SPSB1: variants seen among roughly 807,000 people sequenced by gnomAD.
The protein encoded by SPSB1 is SPRY domain-containing SOCS box protein 1.
In SPSB1, 8 loss-of-function variants were observed where a neutral mutation model predicts 21.2. The observed-to-expected ratio is 0.38, with a 90% CI of 0.22 to 0.68. The LOEUF (loss-of-function observed/expected upper bound fraction) is 0.68, where lower values mean the gene tolerates loss of function less well. Among genes scored for constraint, SPSB1 ranks in the 30% least tolerant of loss-of-function variants. The probability of loss-of-function intolerance (pLI) is 0.53; values close to 1 mark genes in which losing one functional copy is unlikely to be tolerated. For missense variants in SPSB1, 242 were observed against 377.8 expected (o/e 0.64, Z 2.98); for synonymous variants, 169 against 161.7 (o/e 1.05, Z -0.34).
chr1:9,337,974 C>T (rs1569622823), intron 1 of SPSB1, among the ~76,000 whole-genome samples: 1 of 152,196 alleles, frequency 6.6e-6, no homozygotes, highest in East Asian at 1.9e-4. Flanking sequence ...AACGCTCTGG[C>T]CAAGGTCAGC....
At position 9,345,411 on chromosome 1, in the gene SPSB1, G is replaced by A. The variant is rs1417185957; in HGVS notation, c.-149-10332G>A. 6.6e-6 allele frequency among the ~76,000 whole-genome samples: 1 copy of A among 152,222 alleles called. No individual in the cohort carries two copies. Among genetic ancestry groups the A allele is most frequent in the Non-Finnish European group, 1.5e-5 (1 of 68,046 alleles). On this transcript the variant is annotated intron_variant, in intron 1 of 2. Transcript: ENST00000328089. The surrounding 1 kb of genome is among the most constrained non-coding windows in gnomAD (Gnocchi z 4.8). ...ATGGGCCCAGTGTGTTACCCGCCGA[G>A]GCTAGGCAGTGTCGGTGGTCCATAG...
intron 2 of SPSB1, among the ~76,000 whole-genome samples, chr1:9,365,968 C>T (rs621655): frequency 0.74 from 113,349 of 152,188 alleles, 43,081 homozygotes; most frequent in African/African-American, 0.9. Flanking sequence ...GCGAAGCGGG[C>T]GAGCAGGGCC....
rs111762386 is a variant in SPSB1 at position 9,301,929 on chromosome 1, G to C, written c.-150+8858G>C. Among the ~76,000 whole-genome samples the C allele has an allele frequency of 3.2e-3, 495 of 152,360 alleles. 2 individuals carry two copies. Among genetic ancestry groups the C allele is most frequent in the Middle Eastern group, 0.031 (9 of 294 alleles). On this transcript the variant is annotated intron_variant, in intron 1 of 2. Transcript: ENST00000328089. ...GGAGCAGGCACTTATTCTGGATACA[G>C]ATTCGTCTTCCCTGCACACAGTGCT... is the stretch of plus-strand genomic sequence containing the variant.
At chr1:9,320,814 G>C (rs1203595748) in intron 1 of SPSB1, among the ~76,000 whole-genome samples, 1 of 152,134 alleles carries the variant, frequency 6.6e-6, no homozygotes, top group Non-Finnish European at 1.5e-5. Flanking sequence ...TTAAATTTAT[G>C]TCACTGGTGG....
chr1:9,298,448 G>T (rs1023874844), intron 1 of SPSB1, among the ~76,000 whole-genome samples: 1 of 128,212 alleles, frequency 7.8e-6, no homozygotes, highest in African/African-American at 2.5e-5. Context: ...ATAAGTGAAT[G>T]AATAAGTGAA....
intron 1 of SPSB1, among the ~76,000 whole-genome samples, chr1:9,309,537 C>T (rs1338868405): frequency 6.6e-6 from 1 of 152,082 alleles, no homozygotes; most frequent in Non-Finnish European, 1.5e-5. Context: ...TAGGCTCTCC[C>T]TTGCATTTAA....
chr1:9,354,343 C>G (rs959755566), intron 1 of SPSB1, among the ~76,000 whole-genome samples: 2 of 152,198 alleles, frequency 1.3e-5, no homozygotes, highest in African/African-American at 4.8e-5. Flanking sequence ...CAGGCGCCCC[C>G]ACAGGCTCCT....
In SPSB1 at chr1:9,317,910, A is replaced by C. The variant is rs980294676; in HGVS notation, c.-150+24839A>C. On this transcript the variant is annotated intron_variant, in intron 1 of 2. Transcript: ENST00000328089. The surrounding 1 kb of genome is among the most constrained non-coding windows in gnomAD (Gnocchi z 4.3). The stretch of plus-strand genomic sequence containing the variant: ...GGTGGGAGTTTCTTGCTTCCTTGGC[A>C]CACCATTCGCTCCGCGAGTTTGTTA... Among the ~76,000 whole-genome samples the C allele has an allele frequency of 6.9e-6, 1 of 145,568 alleles. No individual in the cohort carries two copies. Among genetic ancestry groups the C allele is most frequent in the Non-Finnish European group, 1.5e-5 (1 of 67,030 alleles).
intron 1 of SPSB1, among the ~76,000 whole-genome samples, chr1:9,353,684 C>T (rs1220019770): frequency 1.3e-5 from 2 of 152,052 alleles, no homozygotes; most frequent in Non-Finnish European, 2.9e-5. Flanking sequence ...CTTGGCAGGC[C>T]GAGGTGGGTG....
At chr1:9,325,566 GACAGTC>G (rs150112077) in intron 1 of SPSB1, among the ~76,000 whole-genome samples, 4,906 of 152,234 alleles carry the variant, frequency 0.032, 265 homozygotes, top group African/African-American at 0.11. Flanking sequence ...CCGTGGAACA[GACAGTC>G]ACTCAGCAGG....
chr1:9,312,139 G>C (rs1463813960), intron 1 of SPSB1, among the ~76,000 whole-genome samples: 4 of 151,946 alleles, frequency 2.6e-5, no homozygotes, highest in South Asian at 2.1e-4. Flanking sequence ...CACCACGCTT[G>C]GCTAATTTTT....
chr1:9,347,922 T>G (rs2100507544), intron 1 of SPSB1, among the ~76,000 whole-genome samples: 1 of 149,486 alleles, frequency 6.7e-6, no homozygotes, highest in East Asian at 2.0e-4. Context: ...TTTCCCCACC[T>G]TCTTTGCAGT....
chr1:9,322,284 C>T (rs971483263), intron 1 of SPSB1, among the ~76,000 whole-genome samples: 2 of 152,158 alleles, frequency 1.3e-5, no homozygotes, highest in Non-Finnish European at 2.9e-5. Context: ...GGCTATTAGC[C>T]TCGGTTTGCA....
At position 9,355,929 on chromosome 1, in the gene SPSB1, A is replaced by T; in HGVS notation, c.38A>T (p.Asp13Val). The change falls in exon 2 of 3, where the codon GAC becomes GTC. Residue 13 changes from aspartate (D) to valine (V), a missense_variant. Coordinates refer to ENST00000328089, the MANE Select transcript of SPSB1 (RefSeq NM_025106.4). ...QKVTGGIKTVDMRDPTYRPLK... is the reference protein window; with the variant it reads ...QKVTGGIKTVVMRDPTYRPLK... ...GTCACTGGAGGGATCAAGACTGTGG[A>T]CATGAGGGACCCCACGTACAGGCCC... 1 of 1,606,458 alleles carries T rather than the reference A, an allele frequency of 6.2e-7. No homozygotes were observed. The highest frequency in any genetic ancestry group is 8.5e-7 in the Non-Finnish European group (1 of 1,175,764).
chr1:9,298,176 A>C (rs1639257048), intron 1 of SPSB1, among the ~76,000 whole-genome samples: 1 of 152,238 alleles, frequency 6.6e-6, no homozygotes. Context: ...TGAAATAGAC[A>C]GGAAACCCGT....
chr1:9,327,124 G>A (rs1001565180), intron 1 of SPSB1, among the ~76,000 whole-genome samples: 1 of 152,172 alleles, frequency 6.6e-6, no homozygotes, highest in East Asian at 1.9e-4. Flanking sequence ...ACAACCCCCA[G>A]TGCCCACTTG....
intron 1 of SPSB1, among the ~76,000 whole-genome samples, chr1:9,349,806 TCTTTA>T (rs1046045271): frequency 1.3e-5 from 2 of 152,158 alleles, no homozygotes; most frequent in Non-Finnish European, 2.9e-5. Flanking sequence ...CCCTTCCTGA[TCTTTA>T]CTTTAATCTG....
rs1393511668 is a variant in SPSB1, at chr1:9,292,919, T to G, written c.-302T>G. The G allele has an allele frequency of 2.1e-6, 2 of 975,264 alleles. No individual in the cohort carries two copies. Among genetic ancestry groups the G allele is most frequent in the Non-Finnish European group, 2.4e-6 (2 of 827,206 alleles). 60.4% of individuals were successfully genotyped at this position (975,264 alleles called of 1,614,324 possible). On this transcript the variant is annotated 5_prime_UTR_variant, in exon 1 of 3. Transcript: ENST00000328089. ...GCACAGAAGTCGCGCTCGGGCAGCC[T>G]GCGCGCTCGCAGCAGGAACCAGGCT...
At chr1:9,316,348 GAGAC>G (rs1204961059) in intron 1 of SPSB1, among the ~76,000 whole-genome samples, 2 of 152,218 alleles carry the variant, frequency 1.3e-5, no homozygotes, top group South Asian at 2.1e-4. Flanking sequence ...GCAGAGGTGA[GAGAC>G]AGCCCCTGGG....
Sources: allele counts gnomAD v4.1 joint callset (sites outside exome capture counted in the v4.1 genomes callset), GRCh38; gene constraint gnomAD v4.1.1; non-coding constraint Gnocchi (gnomAD v3.1); transcripts MANE v1.5; gene names NCBI Gene and HGNC (gene_info 2026-07-23, HGNC 2026-07-21).